The following VWA3B variants were observed in gnomAD, a reference collection of about 807,000 sequenced individuals.
VWA3B encodes the protein von Willebrand factor A domain containing 3B.
In VWA3B, 138 loss-of-function variants were observed where a neutral mutation model predicts 158.3. The observed-to-expected ratio is 0.87, with a 90% CI of 0.76 to 1.00. The LOEUF (loss-of-function observed/expected upper bound fraction) is 1.00. VWA3B is among the 50% of genes least tolerant of loss of function. The pLI is 0.00. For missense variants in VWA3B, 1,555 were observed against 1,565.1 expected, an observed-to-expected ratio of 0.99 and a Z score of 0.11; for synonymous variants, 596 against 587.3, an observed-to-expected ratio of 1.01 and a Z score of -0.21.
At chr2:98,231,784 G>T (rs1241667621) in intron 16 of VWA3B, among the ~76,000 whole-genome samples, 1 of 152,038 alleles carries the variant, frequency 6.6e-6, no homozygotes, top group African/African-American at 2.4e-5. Flanking sequence ...TTGAAATGGT[G>T]GATGACATCA....
chr2:98,137,820 G>T (rs1676403119), intron 7 of VWA3B, among the ~76,000 whole-genome samples: 1 of 151,896 alleles, frequency 6.6e-6, no homozygotes, highest in Non-Finnish European at 1.5e-5. Context: ...CTTGTTAATT[G>T]ATGAATTTGT....
chr2:98,289,251 G>A (rs996726323), intron 22 of VWA3B, among the ~76,000 whole-genome samples: 3 of 152,210 alleles, frequency 2.0e-5, no homozygotes, highest in Non-Finnish European at 4.4e-5. Context: ...ATATTTCCAA[G>A]ATTTCTAAGT....
At chr2:98,314,943 G>T (rs888698741), downstream of VWA3B, among the ~76,000 whole-genome samples, 1 of 149,756 alleles carries the variant, frequency 6.7e-6, no homozygotes, top group Non-Finnish European at 1.5e-5. Flanking sequence ...CAAAAGAATC[G>T]CTTGAACCCA....
intron 19 of VWA3B, among the ~76,000 whole-genome samples, chr2:98,247,223 C>A (rs991280070): frequency 3.3e-5 from 5 of 152,150 alleles, no homozygotes; most frequent in Admixed American, 6.5e-5. Flanking sequence ...GTCTTGATCT[C>A]CTGACCTCAA....
chr2:98,280,344 A>G (rs78672418), intron 22 of VWA3B, among the ~76,000 whole-genome samples: 28,381 of 151,880 alleles, frequency 0.19, 3,015 homozygotes, highest in Admixed American at 0.34. Context: ...TGCCACAAAG[A>G]AAAGAAAGAG....
intron 22 of VWA3B, among the ~76,000 whole-genome samples, chr2:98,280,733 GA>G (rs901214041): frequency 6.6e-6 from 1 of 152,160 alleles, no homozygotes; most frequent in Non-Finnish European, 1.5e-5. Context: ...GGAGGCGGGG[GA>G]AAACCTCACA....
Position 98,230,157 on chromosome 2 carries a change from C to T in VWA3B, c.2258C>T (p.Pro753Leu), listed in dbSNP as rs747433791. ...TCATCTCTGAATATGTTGAAGGGAC[C>T]ATGGGGCCTTTCAGATCAAAAGGTT... The part of the protein sequence containing the change: ...QTSSLNMLKG[P>L]WGLSDQKVQK... The change falls in exon 16 of 28, where the codon CCA (proline) becomes CTA (leucine). Residue 753 changes from proline to leucine, a missense_variant. Coordinates refer to ENST00000477737, the MANE Select transcript of VWA3B (RefSeq NM_144992.5). The T allele has an allele frequency of 6.2e-6, 10 of 1,604,848 alleles. No individual in the cohort carries two copies. The East Asian group carries it at 2.2e-4, about 36-fold the overall frequency.
the VWA3B span, among the ~76,000 whole-genome samples, chr2:98,330,247 TCTAA>T: frequency 6.6e-6 from 1 of 152,116 alleles, no homozygotes; most frequent in Non-Finnish European, 1.5e-5. Context: ...GAAGCTCAGG[TCTAA>T]CTAAGGGGCT....
intron 7 of VWA3B, among the ~76,000 whole-genome samples, chr2:98,146,027 A>G (rs1677151611): frequency 6.6e-6 from 1 of 151,850 alleles, no homozygotes; most frequent in African/African-American, 2.4e-5. Flanking sequence ...GAGCCACTGC[A>G]CCTAGCCCTT....
intron 1 of VWA3B, among the ~76,000 whole-genome samples, chr2:98,087,587 C>T (rs1681955357): frequency 6.6e-6 from 1 of 152,182 alleles, no homozygotes; most frequent in African/African-American, 2.4e-5. Flanking sequence ...CCCTCCTACT[C>T]TAGAGCTCTT....
rs1158689622 is a variant in VWA3B, at chr2:98,128,255, A to T, written c.719A>T (p.Tyr240Phe). ...GTTTTGCAGATTGAATCCATTTACT[A>T]CTTTGTGGTGGGGGATGTTCCTGAA... The part of the protein sequence containing the change: ...GRDKTIESIY[Y>F]FVVGDVPEES... Residue 240 changes from tyrosine to phenylalanine, a missense_variant, in exon 6 of 28, where the codon TAC (tyrosine) becomes TTC (phenylalanine). Physicochemically the swap from Tyr to Phe is conservative, Grantham distance 22 (BLOSUM62 3). Transcript: ENST00000477737. 8 of 1,613,950 alleles carry T rather than the reference A, an allele frequency of 5.0e-6. No homozygotes were observed. The highest frequency in any genetic ancestry group is 6.8e-6 in the Non-Finnish European group (8 of 1,180,006).
At chr2:98,323,204 A>G in the VWA3B span, among the ~76,000 whole-genome samples, 3 of 152,356 alleles carry the variant, frequency 2.0e-5, no homozygotes, top group African/African-American at 7.2e-5. Flanking sequence ...AAGAAAGAGT[A>G]TCAATGAAGA....
At position 98,250,384 on chromosome 2, in the gene VWA3B, A is replaced by G; in HGVS notation, c.2740A>G (p.Lys914Glu). ...GACATTAATTAACCCCCAAGGAGCC[A>G]AACTCAATATCTACAAGCGAAAAGT... ...KMTLINPQGA[K>E]LNIYKRKVEQ... The change falls in exon 20 of 28, where the codon AAA becomes GAA. Residue 914 changes from lysine (K) to glutamate (E), a missense_variant. Physicochemically the swap from Lys to Glu is moderately conservative, Grantham distance 56 (BLOSUM62 1). Coordinates refer to ENST00000477737, the MANE Select transcript of VWA3B (RefSeq NM_144992.5). 6.2e-7 allele frequency: 1 copy of G among 1,613,512 alleles called. No homozygotes were observed. The highest frequency in any genetic ancestry group is 8.5e-7 in the Non-Finnish European group (1 of 1,179,824).
Position 98,214,256 on chromosome 2 carries a change from C to T in VWA3B, c.1836+2228C>T, listed in dbSNP as rs529901073. On this transcript the variant is annotated intron_variant, in intron 13 of 27. Transcript: ENST00000477737. ...AAAAAAAAGAGGAAAAAATTTGAAT[C>T]ACTCATAATTGAATTTTGTGGGTTT... Among the ~76,000 whole-genome samples, 6 of 151,498 alleles carry T rather than the reference C, an allele frequency of 4.0e-5. No individual in the cohort carries two copies. In the South Asian group the frequency reaches 1.3e-3, roughly 32 times the overall value.
chr2:98,124,140 T>A (rs1383263392), intron 5 of VWA3B, among the ~76,000 whole-genome samples: 4 of 152,242 alleles, frequency 2.6e-5, no homozygotes, highest in Non-Finnish European at 5.9e-5. Context: ...AGTTCATTTA[T>A]TTCCTTTTAG....
chr2:98,261,441 C>T (rs1687474089), intron 21 of VWA3B, among the ~76,000 whole-genome samples: 1 of 151,650 alleles, frequency 6.6e-6, no homozygotes, highest in Non-Finnish European at 1.5e-5. Flanking sequence ...AATTACATAC[C>T]AAACATACAA....
intron 26 of VWA3B, among the ~76,000 whole-genome samples, chr2:98,308,751 G>A (rs922809885): frequency 2.6e-5 from 4 of 152,196 alleles, no homozygotes; most frequent in Non-Finnish European, 4.4e-5. Context: ...GTTTCAGGCC[G>A]CCTGAACTGA....
At chr2:98,178,416 A>G (rs1680195710) in intron 8 of VWA3B, among the ~76,000 whole-genome samples, 1 of 152,210 alleles carries the variant, frequency 6.6e-6, no homozygotes, top group Non-Finnish European at 1.5e-5. Flanking sequence ...CTCATGAAGC[A>G]TTAATGGGCA....
intron 2 of VWA3B, among the ~76,000 whole-genome samples, chr2:98,099,520 G>A (rs1400163452): frequency 3.9e-5 from 6 of 152,050 alleles, no homozygotes; most frequent in African/African-American, 1.4e-4. Context: ...CTTTGTCTTT[G>A]ATATTTGACA....
Sources: allele counts gnomAD v4.1 joint callset (sites outside exome capture counted in the v4.1 genomes callset), GRCh38; gene constraint gnomAD v4.1.1; transcripts MANE v1.5; gene names NCBI Gene and HGNC (gene_info 2026-07-23, HGNC 2026-07-21).